KAZN: variants seen among roughly 807,000 people sequenced by gnomAD.
The protein encoded by KAZN is kazrin.
KAZN carries 40 observed loss-of-function variants against 87.4 expected under a neutral mutation model. The observed-to-expected ratio is 0.46, with a 90% CI of 0.36 to 0.60. KAZN has a LOEUF of 0.60. Ranked by LOEUF, KAZN falls within the 20% of genes least tolerant of loss-of-function variation. The pLI, the probability that KAZN is intolerant of heterozygous loss-of-function variation, is 0.00. For synonymous variants in KAZN, 466 were observed against 458.3 expected (o/e 1.02, Z -0.22); for missense variants, 898 against 1,073.9 (o/e 0.84, Z 2.29).
At chr1:14,290,714 T>C (rs923300839) in intron 2 of KAZN, among the ~76,000 whole-genome samples, 1 of 152,196 alleles carries the variant, frequency 6.6e-6, no homozygotes, top group Admixed American at 6.5e-5. Context: ...CCAGCTTTGC[T>C]CCATTGCTGG....
intron 2 of KAZN, among the ~76,000 whole-genome samples, chr1:14,202,421 A>T (rs1646658277): frequency 6.6e-6 from 1 of 152,354 alleles, no homozygotes; most frequent in Non-Finnish European, 1.5e-5. Context: ...TGGGAATCAC[A>T]GGAAAGCAGG....
chr1:14,551,497 CT>C (rs1372838718), intron 2 of KAZN, among the ~76,000 whole-genome samples: 1 of 152,148 alleles, frequency 6.6e-6, no homozygotes, highest in Non-Finnish European at 1.5e-5. Flanking sequence ...CACACCGGGC[CT>C]GGTACAAAAG....
At chr1:14,913,972 A>G (rs1572813086) in intron 1 of KAZN, among the ~76,000 whole-genome samples, 1 of 152,138 alleles carries the variant, frequency 6.6e-6, no homozygotes, top group African/African-American at 2.4e-5. Flanking sequence ...TAATTCCGAC[A>G]CCACAGCCAC....
chr1:15,028,473 AG>A (rs1671386762), intron 2 of KAZN, among the ~76,000 whole-genome samples: 1 of 152,248 alleles, frequency 6.6e-6, no homozygotes, highest in Non-Finnish European at 1.5e-5. Flanking sequence ...TTTAGGGAAC[AG>A]GTTTTGAAGG....
chr1:14,465,580 G>A lies in KAZN; in HGVS notation c.250-133403G>A, dbSNP rs115009781. Among the ~76,000 whole-genome samples, 734 of 152,068 alleles carry A rather than the reference G, an allele frequency of 4.8e-3. 6 individuals are homozygous for A. Among genetic ancestry groups the A allele is most frequent in the African/African-American group, 0.017 (687 of 41,462 alleles). The stretch of plus-strand genomic sequence containing the variant: ...AGAGCGAGCATTCCAGGGGACCCAG[G>A]CCCAAATCACAAAGCCTCTTGAGAC... On this transcript the variant is annotated intron_variant, in intron 2 of 16. Transcript: ENST00000636203.
At position 15,094,305 on chromosome 1, in the gene KAZN, A is replaced by ACCGT; in HGVS notation, c.1351_1354dup (p.Gln452ArgfsTer33). 3 of 1,613,944 alleles carry ACCGT rather than the reference A, an allele frequency of 1.9e-6. No homozygotes were observed. The highest frequency in any genetic ancestry group is 2.5e-6 in the Non-Finnish European group (3 of 1,179,880). On this transcript the variant is annotated frameshift_variant, in exon 9 of 15. Coordinates refer to ENST00000376030, the MANE Select transcript of KAZN (RefSeq NM_201628.3). LOFTEE classifies it high-confidence loss of function. This position sits in a 1 kb window ranked among gnomAD's most constrained non-coding sequence, Gnocchi z 4.5. The stretch of plus-strand genomic sequence containing the variant: ...CCCTATGTCCCACTGGAAGGCGGGC[A>ACCGT]CCGTCCAGGCCTGGCTGGAGGTGGT...
intron 1 of KAZN, among the ~76,000 whole-genome samples, chr1:13,965,332 C>A (rs1037921555): frequency 5.9e-5 from 9 of 152,158 alleles, no homozygotes; most frequent in African/African-American, 2.2e-4. Flanking sequence ...CAGCACCTGC[C>A]CCTAGACGCT....
At chr1:13,979,756 G>A (rs1215253873) in intron 1 of KAZN, among the ~76,000 whole-genome samples, 5 of 151,872 alleles carry the variant, frequency 3.3e-5, no homozygotes, top group Admixed American at 3.3e-4. Context: ...GTGAAACCCC[G>A]TCTCTACTAA....
At chr1:15,103,324 T>A in intron 11 of KAZN, 35 bp from the exon 12 acceptor site, 1 of 1,511,320 alleles carries the variant, frequency 6.6e-7, no homozygotes, top group Non-Finnish European at 9.0e-7. Flanking sequence ...GCGTGTCCCC[T>A]TGTCCCTCCG....
chr1:14,360,342 A>C (rs1451371329), intron 2 of KAZN, among the ~76,000 whole-genome samples: 2 of 152,132 alleles, frequency 1.3e-5, no homozygotes, highest in African/African-American at 4.8e-5. Flanking sequence ...AAATTCCTCT[A>C]ATCTTTTTTC....
intron 1 of KAZN, among the ~76,000 whole-genome samples, chr1:14,106,513 G>T (rs1644378140): frequency 6.6e-6 from 1 of 152,100 alleles, no homozygotes; most frequent in African/African-American, 2.4e-5. Flanking sequence ...AGTGGTCAAA[G>T]CCTGTCTCCC....
At chr1:13,932,237 A>G (rs1163118103) in intron 1 of KAZN, among the ~76,000 whole-genome samples, 1 of 150,320 alleles carries the variant, frequency 6.7e-6, no homozygotes, top group African/African-American at 2.5e-5. Context: ...TGAGCGGGGT[A>G]CAGTTCTCAG....
At chr1:14,830,915 C>A (rs532270389) in intron 1 of KAZN, among the ~76,000 whole-genome samples, 2 of 152,272 alleles carry the variant, frequency 1.3e-5, no homozygotes, top group East Asian at 3.9e-4. Context: ...CCAGGCAGTC[C>A]CTGCAGCCTC....
intron 1 of KAZN, among the ~76,000 whole-genome samples, chr1:13,959,822 G>T (rs1641684448): frequency 6.6e-6 from 1 of 152,104 alleles, no homozygotes. Flanking sequence ...CAGGGCCTGG[G>T]TCTGATTCAC....
At chr1:14,440,845 G>A (rs536494916) in intron 2 of KAZN, among the ~76,000 whole-genome samples, 52 of 152,158 alleles carry the variant, frequency 3.4e-4, no homozygotes, top group Non-Finnish European at 6.2e-4. Context: ...CAGGTGTCCA[G>A]GTCTATGACT....
chr1:14,725,776 C>A (rs980428813), intron 1 of KAZN, among the ~76,000 whole-genome samples: 1 of 152,156 alleles, frequency 6.6e-6, no homozygotes, highest in African/African-American at 2.4e-5. Flanking sequence ...TCAAAGCCAC[C>A]TGGGGATCTT....
At chr1:14,010,656 G>C (rs1206054035) in intron 1 of KAZN, among the ~76,000 whole-genome samples, 1 of 152,204 alleles carries the variant, frequency 6.6e-6, no homozygotes, top group Non-Finnish European at 1.5e-5. Flanking sequence ...TTGTCAGAGA[G>C]TTTTGTTAAG....
At position 14,949,769 on chromosome 1, in the gene KAZN, G is replaced by A. The variant is rs539543145; in HGVS notation, c.227-10915G>A. On this transcript the variant is annotated intron_variant, in intron 1 of 14. Coordinates refer to ENST00000376030, the MANE Select transcript of KAZN (RefSeq NM_201628.3). This position sits in a 1 kb window ranked among gnomAD's most constrained non-coding sequence, Gnocchi z 4.3. ...GTGACTGTCACCCTTCCAGGACAGC[G>A]ACATGGTTGCTGCCCAGCCTGTGTT... Among the ~76,000 whole-genome samples the A allele has an allele frequency of 9.2e-5, 14 of 152,232 alleles. No homozygotes were observed. Among genetic ancestry groups the A allele is most frequent in the Admixed American group, 1.3e-4 (2 of 15,288 alleles).
intron 2 of KAZN, among the ~76,000 whole-genome samples, chr1:14,253,441 A>C (rs1157315382): frequency 1.3e-5 from 2 of 152,182 alleles, no homozygotes; most frequent in African/African-American, 4.8e-5. Context: ...AAGTCATTTT[A>C]TCTGAGTTAA....
Sources: gnomAD v4.1 joint callset for allele counts (sites outside exome capture counted in the v4.1 genomes callset) on GRCh38, gnomAD v4.1.1 for gene constraint, Gnocchi (gnomAD v3.1) non-coding constraint, MANE v1.5 for transcripts, NCBI Gene and HGNC (gene_info 2026-07-23, HGNC 2026-07-21) for gene names.